The following KANSL1 variants were observed in gnomAD, a reference collection of about 807,000 sequenced individuals.
The protein encoded by KANSL1 is KAT8 regulatory NSL complex subunit 1.
A neutral mutation model predicts 103.6 loss-of-function variants in KANSL1; 22 were observed. That is an observed-to-expected ratio of 0.21 (90% CI 0.15 to 0.30). KANSL1 has a LOEUF of 0.30. Among genes scored for constraint, KANSL1 ranks in the 10% least tolerant of loss-of-function variants. KANSL1 has a pLI of 1.00. For missense variants in KANSL1, 1,337 were observed against 1,399.8 expected (o/e 0.96, Z 0.72); for synonymous variants, 600 against 527.6 (o/e 1.14, Z -1.88).
chr17:46,122,911 T>C (rs2043346966), intron 2 of KANSL1, among the ~76,000 whole-genome samples: 1 of 152,188 alleles, frequency 6.6e-6, no homozygotes, highest in Admixed American at 6.5e-5. Context: ...TCTCTCCCTC[T>C]CCTCTTGTTT....
In KANSL1 at chr17:46,032,205, G is replaced by A. The variant is rs2077029838; in HGVS notation, c.2932C>T (p.His978Tyr). Residue 978 changes from histidine to tyrosine, a missense_variant, in exon 14 of 15, where the codon CAC becomes TAC. By Grantham distance (83) the His-to-Tyr change is moderately conservative. Coordinates refer to ENST00000432791, the MANE Select transcript of KANSL1 (RefSeq NM_015443.4). Reference protein sequence around the residue: ...QPASPDVSSSHSLSEYSHGQS... With the variant: ...QPASPDVSSSYSLSEYSHGQS... ...CCATGGGAGTATTCTGACAAAGAGTGGCTACTGCTGACATCAGGGGAGGCA... is the reference window on the plus strand; with the variant it reads ...CCATGGGAGTATTCTGACAAAGAGTAGCTACTGCTGACATCAGGGGAGGCA... 2 of 1,603,696 alleles carry A rather than the reference G, an allele frequency of 1.2e-6. No homozygotes were observed. Among genetic ancestry groups the A allele is most frequent in the Non-Finnish European group, 1.7e-6 (2 of 1,173,230 alleles).
At chr17:46,110,348 A>C (rs2042749601) in intron 2 of KANSL1, among the ~76,000 whole-genome samples, 1 of 152,242 alleles carries the variant, frequency 6.6e-6, no homozygotes, top group Admixed American at 6.5e-5. Flanking sequence ...ACTCCATGCA[A>C]AACACTGGTC....
chr17:46,222,851 GTTTT>G, intron 1 of KANSL1: 1 of 151,700 alleles, frequency 6.6e-6, no homozygotes, highest in East Asian at 1.9e-4. Flanking sequence ...TTTTCTGTTT[GTTTT>G]TATTTAATTT....
intron 1 of KANSL1, among the ~76,000 whole-genome samples, chr17:46,216,925 G>A (rs1335473577): frequency 6.6e-6 from 1 of 152,044 alleles, no homozygotes; most frequent in Non-Finnish European, 1.5e-5. Context: ...GGGCAACATG[G>A]CAAGACCCCA....
At chr17:46,145,770 C>T (rs1165792917) in intron 2 of KANSL1, among the ~76,000 whole-genome samples, 1 of 152,192 alleles carries the variant, frequency 6.6e-6, no homozygotes, top group Non-Finnish European at 1.5e-5. Context: ...TCTCTGTCAC[C>T]CAGGCTGGAG....
chr17:46,112,423 G>A (rs554218224), intron 2 of KANSL1, among the ~76,000 whole-genome samples: 10 of 143,074 alleles, frequency 7.0e-5, no homozygotes, highest in East Asian at 6.5e-4. Flanking sequence ...GGTGGCTCAC[G>A]CTTGTAATCT....
chr17:46,068,678 T>A (rs1052774252), intron 4 of KANSL1, among the ~76,000 whole-genome samples: 3 of 152,166 alleles, frequency 2.0e-5, no homozygotes, highest in African/African-American at 7.2e-5. Flanking sequence ...TACTAACTAT[T>A]GTCTTTAGAG....
chr17:46,118,056 C>G (rs2043118937), intron 2 of KANSL1, among the ~76,000 whole-genome samples: 1 of 152,182 alleles, frequency 6.6e-6, no homozygotes, highest in Non-Finnish European at 1.5e-5. Context: ...TGACCACTCC[C>G]CACTACCCCC....
At chr17:46,141,856 A>C (rs1225839077) in intron 2 of KANSL1, among the ~76,000 whole-genome samples, 1 of 152,200 alleles carries the variant, frequency 6.6e-6, no homozygotes, top group Non-Finnish European at 1.5e-5. Flanking sequence ...TGAAACAAAA[A>C]ACGCTCTGAT....
Position 46,033,664 on chromosome 17 carries a change from C to A in KANSL1, c.2667-204G>T, listed in dbSNP as rs73317042. ...CACCTACTCAAATGCCCAAGAAGGC[C>A]AGAAATGAGAGAAGCGGCCTAGGGT... On this transcript the variant is annotated intron_variant, in intron 11 of 14. Transcript: ENST00000432791. 0.03 allele frequency among the ~76,000 whole-genome samples: 4,625 copies of A among 152,198 alleles called. 221 individuals carry two copies. The highest frequency in any genetic ancestry group is 0.1 in the African/African-American group (4,209 of 41,486).
chr17:46,201,292 G>A (rs905493206), intron 1 of KANSL1, among the ~76,000 whole-genome samples: 9 of 152,182 alleles, frequency 5.9e-5, no homozygotes, highest in South Asian at 2.1e-4. Context: ...AGCTACAAAC[G>A]GGGAGTAACC....
chr17:46,054,393 T>C (rs907652126), intron 6 of KANSL1, among the ~76,000 whole-genome samples: 3 of 150,624 alleles, frequency 2.0e-5, no homozygotes, highest in Non-Finnish European at 4.4e-5. Flanking sequence ...AACCACTTCA[T>C]ACCACCTCAA....
rs35017603 is a variant in KANSL1 at position 46,130,187 on chromosome 17, C to CAAAAA, written c.1290-35491_1290-35487dup. On this transcript the variant is annotated intron_variant, in intron 2 of 14. Transcript: ENST00000432791. ...GGGCAAAAGAATGAGATCCTGTCTC[C>CAAAAA]AAAAAAAAAAAAAAAAAAAAAGGAA... 1.2e-3 allele frequency among the ~76,000 whole-genome samples: 87 copies of CAAAAA among 75,454 alleles called. 2 individuals carry two copies. The highest frequency in any genetic ancestry group is 0.011 in the Middle Eastern group (1 of 94). 49.5% of individuals were successfully genotyped at this position (75,454 alleles called of 152,430 possible).
chr17:46,063,311 A>G (rs2078247647), intron 6 of KANSL1, among the ~76,000 whole-genome samples: 2 of 152,220 alleles, frequency 1.3e-5, no homozygotes, highest in Admixed American at 6.5e-5. Flanking sequence ...TTCCTTACCA[A>G]TGCAACCTGG....
chr17:46,054,300 C>G (rs1005571528), intron 6 of KANSL1, among the ~76,000 whole-genome samples: 2 of 152,160 alleles, frequency 1.3e-5, no homozygotes, highest in African/African-American at 2.4e-5. Context: ...ATGATCCACC[C>G]GTATCAGCTT....
intron 2 of KANSL1, among the ~76,000 whole-genome samples, chr17:46,156,165 T>G (rs1016749011): frequency 6.6e-6 from 1 of 152,130 alleles, no homozygotes; most frequent in Non-Finnish European, 1.5e-5. Context: ...CTGACCAACA[T>G]GGTGAAACCC....
At chr17:46,112,590 TG>T (rs1313084374) in intron 2 of KANSL1, among the ~76,000 whole-genome samples, 2 of 151,840 alleles carry the variant, frequency 1.3e-5, no homozygotes, top group African/African-American at 4.8e-5. Flanking sequence ...GAGGCTGAGG[TG>T]GGAGAATCGC....
chr17:46,129,251 A>G (rs2043727366), intron 2 of KANSL1, among the ~76,000 whole-genome samples: 1 of 152,210 alleles, frequency 6.6e-6, no homozygotes, highest in Non-Finnish European at 1.5e-5. Flanking sequence ...CAGAATCACA[A>G]TATTGGCATT....
chr17:46,196,261 A>T, upstream of KANSL1: 3 of 443,934 alleles, frequency 6.8e-6, no homozygotes, highest in South Asian at 4.7e-5. Context: ...AAAAAAATAA[A>T]AACACCAACA....
Sources: gnomAD v4.1 joint callset for allele counts (sites outside exome capture counted in the v4.1 genomes callset) on GRCh38, gnomAD v4.1.1 for gene constraint, MANE v1.5 for transcripts, NCBI Gene and HGNC (gene_info 2026-07-23, HGNC 2026-07-21) for gene names.